The following SLIT2 variants were observed in gnomAD, a reference collection of about 807,000 sequenced individuals.
SLIT2 encodes the protein slit guidance ligand 2.
In SLIT2, 41 loss-of-function variants were observed where a neutral mutation model predicts 185.7. The ratio of observed to expected loss-of-function variants is 0.22; its 90% CI spans 0.17 to 0.29. SLIT2 has a LOEUF of 0.29. Among genes scored for constraint, SLIT2 ranks in the 10% least tolerant of loss-of-function variants. SLIT2 has a pLI of 1.00. For synonymous variants in SLIT2, 693 were observed against 680.2 expected (o/e 1.02, Z -0.29); for missense variants, 1,571 against 1,909.0 (o/e 0.82, Z 3.30).
intron 4 of SLIT2, among the ~76,000 whole-genome samples, chr4:20,384,512 C>T (rs907848009): frequency 5.3e-5 from 8 of 151,868 alleles, no homozygotes; most frequent in African/African-American, 1.5e-4. Flanking sequence ...GCAGGAAAAC[C>T]GACTAAAAAT....
intron 4 of SLIT2, among the ~76,000 whole-genome samples, chr4:20,318,176 A>G (rs1413800069): frequency 2.6e-5 from 4 of 152,128 alleles, no homozygotes; most frequent in Non-Finnish European, 5.9e-5. Context: ...GTAGGCTTAC[A>G]TTGTTGATCC....
At chr4:20,370,224 T>C (rs1254227806) in intron 4 of SLIT2, among the ~76,000 whole-genome samples, 1 of 151,990 alleles carries the variant, frequency 6.6e-6, no homozygotes, top group African/African-American at 2.4e-5. Flanking sequence ...GAAAGGGAGC[T>C]TTCAAAATAT....
intron 4 of SLIT2, among the ~76,000 whole-genome samples, chr4:20,308,797 G>A (rs1717811268): frequency 6.6e-6 from 1 of 152,068 alleles, no homozygotes; most frequent in East Asian, 1.9e-4. Context: ...ATGAAGTAAT[G>A]TCAAGTTTCT....
chr4:20,347,152 A>G (rs553100545), intron 4 of SLIT2, among the ~76,000 whole-genome samples: 1 of 152,356 alleles, frequency 6.6e-6, no homozygotes, highest in Middle Eastern at 3.4e-3. Context: ...GGTAAAGAAA[A>G]GGAAGCGGAT....
At chr4:20,477,708 C>G (rs1184135295) in intron 5 of SLIT2, among the ~76,000 whole-genome samples, 1 of 152,218 alleles carries the variant, frequency 6.6e-6, no homozygotes, top group Admixed American at 6.5e-5. Flanking sequence ...AAATAAACCA[C>G]TTATGATACT....
At chr4:20,325,908 T>C (rs1456973170) in intron 4 of SLIT2, among the ~76,000 whole-genome samples, 1 of 152,156 alleles carries the variant, frequency 6.6e-6, no homozygotes, top group Admixed American at 6.6e-5. Flanking sequence ...TGTGGTGGAA[T>C]ACAGTGATGA....
intron 29 of SLIT2, among the ~76,000 whole-genome samples, chr4:20,579,491 C>T (rs1338122914): frequency 1.3e-5 from 2 of 152,110 alleles, no homozygotes; most frequent in Non-Finnish European, 2.9e-5. Context: ...GGATGCTACA[C>T]ATATGTCAGT....
At chr4:20,471,771 G>A (rs1301815915) in intron 5 of SLIT2, among the ~76,000 whole-genome samples, 1 of 152,080 alleles carries the variant, frequency 6.6e-6, no homozygotes, top group African/African-American at 2.4e-5. Flanking sequence ...TGGAAATTTT[G>A]CAGATTAGCA....
intron 4 of SLIT2, among the ~76,000 whole-genome samples, chr4:20,366,392 A>G (rs988398040): frequency 1.3e-5 from 2 of 152,164 alleles, no homozygotes; most frequent in African/African-American, 4.8e-5. Flanking sequence ...AAGGAATATG[A>G]TTAGCCTTGG....
intron 4 of SLIT2, among the ~76,000 whole-genome samples, chr4:20,463,875 C>CAA (rs555271635): frequency 3.2e-4 from 34 of 106,456 alleles, no homozygotes; most frequent in Admixed American, 8.4e-4. Flanking sequence ...GACTTTGTCT[C>CAA]AAAAAAAAAA....
intron 4 of SLIT2, among the ~76,000 whole-genome samples, chr4:20,380,724 G>T: frequency 6.6e-6 from 1 of 152,028 alleles, no homozygotes. Flanking sequence ...AAAAAATGAA[G>T]CAGAAAAAAG....
chr4:20,442,736 T>A (rs1299845441), intron 4 of SLIT2, among the ~76,000 whole-genome samples: 1 of 152,020 alleles, frequency 6.6e-6, no homozygotes, highest in Non-Finnish European at 1.5e-5. Flanking sequence ...GTGATGAGAT[T>A]TACCTTGAGA....
In SLIT2 at chr4:20,254,829, T is replaced by C. The variant is rs1179625438; in HGVS notation, c.179+835T>C. ...ACCCCTGCGTCCCCATCCACCTTTC[T>C]GGCAGTTTCTGCGCCCCTTCACGTG... On this transcript the variant is annotated intron_variant, in intron 1 of 36. Transcript: ENST00000504154. The surrounding 1 kb of genome is among the most constrained non-coding windows in gnomAD (Gnocchi z 5.1). 3 of 429,722 alleles carry C rather than the reference T, an allele frequency of 7.0e-6. No homozygotes were observed. The highest frequency in any genetic ancestry group is 9.4e-6 in the Non-Finnish European group (2 of 213,780). The allele number at this position is 429,722 out of a possible 1,614,324, so 26.6% of individuals were successfully genotyped here. A position where few individuals can be genotyped will look rare whatever the true frequency, so the allele number is the denominator to read the frequency against.
rs190541117 is a variant in SLIT2, at chr4:20,434,900, T to C, written c.396-32852T>C. On this transcript the variant is annotated intron_variant, in intron 4 of 36. Transcript: ENST00000504154. ...ATCTAAATTCCAAAAATTGAGAACA[T>C]ATGGCATATAGAATTATCTTCCACA... 4.6e-5 allele frequency among the ~76,000 whole-genome samples: 7 copies of C among 152,274 alleles called. No individual in the cohort carries two copies. In the East Asian group the frequency reaches 1.4e-3, roughly 29 times the overall value.
chr4:20,491,736 TA>T, intron 8 of SLIT2, 24 bp from the exon 9 acceptor site: 1 of 1,600,376 alleles, frequency 6.2e-7, no homozygotes, highest in Non-Finnish European at 8.5e-7. Flanking sequence ...AGGAAAAATA[TA>T]ATTCCTGTTT....
chr4:20,390,542 G>A (rs979200420), intron 4 of SLIT2, among the ~76,000 whole-genome samples: 2 of 151,968 alleles, frequency 1.3e-5, no homozygotes, highest in Non-Finnish European at 2.9e-5. Context: ...AACGTCATTT[G>A]AAAAAGACAT....
At chr4:20,471,959 G>C (rs1388708526) in intron 5 of SLIT2, among the ~76,000 whole-genome samples, 3 of 151,416 alleles carry the variant, frequency 2.0e-5, no homozygotes, top group African/African-American at 7.3e-5. Flanking sequence ...ATTTTCTCCA[G>C]CCACAATTTA....
intron 3 of SLIT2, among the ~76,000 whole-genome samples, chr4:20,262,956 G>A (rs1712645332): frequency 6.6e-6 from 1 of 151,744 alleles, no homozygotes; most frequent in South Asian, 2.1e-4. Flanking sequence ...CAGTGAGGGT[G>A]TTTATTTTTC....
At chr4:20,487,392 A>C (rs1348806301) in intron 7 of SLIT2, among the ~76,000 whole-genome samples, 1 of 152,190 alleles carries the variant, frequency 6.6e-6, no homozygotes, top group Non-Finnish European at 1.5e-5. Context: ...AAATTGATTC[A>C]AGCTTTCAAT....
Sources: allele counts gnomAD v4.1 joint callset (sites outside exome capture counted in the v4.1 genomes callset), GRCh38; gene constraint gnomAD v4.1.1; non-coding constraint Gnocchi (gnomAD v3.1); transcripts MANE v1.5; gene names NCBI Gene and HGNC (gene_info 2026-07-23, HGNC 2026-07-21).